The following TTF2 variants were observed in gnomAD, a reference collection of about 807,000 sequenced individuals.
TTF2 encodes transcription termination factor 2.
Under a neutral mutation model 142.4 loss-of-function variants are expected in TTF2, and 108 were observed. That is an observed-to-expected ratio of 0.76 (90% CI 0.65 to 0.89). The LOEUF (loss-of-function observed/expected upper bound fraction) is 0.89. Ranked by LOEUF, TTF2 falls within the 40% of genes least tolerant of loss-of-function variation. TTF2 has a pLI of 0.00. For synonymous variants in TTF2, 483 were observed against 506.2 expected, an observed-to-expected ratio of 0.95 and a Z score of 0.61; for missense variants, 1,327 against 1,379.8, an observed-to-expected ratio of 0.96 and a Z score of 0.61.
In TTF2 at chr1:117,065,338, G is replaced by A. The variant is rs185699332; in HGVS notation, c.218+2865G>A. Among the ~76,000 whole-genome samples the A allele has an allele frequency of 5.8e-3, 880 of 152,236 alleles. 22 individuals carry two copies. Among genetic ancestry groups the A allele is most frequent in the Non-Finnish European group, 3.3e-3 (224 of 68,012 alleles). On this transcript the variant is annotated intron_variant, in intron 3 of 22. Transcript: ENST00000369466. The stretch of plus-strand genomic sequence containing the variant: ...ATGACTTTAAAAATGTCAGCTGGGC[G>A]CGGCAATCCTAGCACTTTGGGAGGC...
chr1:117,061,007 A>G (rs1374535619), intron 2 of TTF2, among the ~76,000 whole-genome samples: 2 of 152,146 alleles, frequency 1.3e-5, no homozygotes, highest in Non-Finnish European at 2.9e-5. Context: ...AAAACACTCT[A>G]GTGATTAGTT....
intron 13 of TTF2, among the ~76,000 whole-genome samples, chr1:117,089,822 C>G (rs1364486454): frequency 6.6e-6 from 1 of 152,146 alleles, no homozygotes; most frequent in Admixed American, 6.5e-5. Context: ...GTTGTGACAG[C>G]GTAGGCATCG....
rs557408186 is a variant in TTF2, at chr1:117,097,179, G to A, written c.3187-172G>A. ...GTGATGTGAGAATTTTCTCAAAAGT[G>A]AGACATGGGAGATAGCATTATAATG... On this transcript the variant is annotated intron_variant, in intron 20 of 22. Transcript: ENST00000369466. The surrounding 1 kb of genome is among the most constrained non-coding windows in gnomAD (Gnocchi z 4.1). Among the ~76,000 whole-genome samples the A allele has an allele frequency of 6.6e-6, 1 of 151,696 alleles. No homozygotes were observed. The highest frequency in any genetic ancestry group is 2.4e-5 in the African/African-American group (1 of 41,174).
chr1:117,061,939 G>A (rs7520887), intron 2 of TTF2, among the ~76,000 whole-genome samples: 3 of 152,144 alleles, frequency 2.0e-5, no homozygotes, highest in Non-Finnish European at 4.4e-5. Flanking sequence ...GGAAGGGAGT[G>A]ATTAAAAACT....
chr1:117,069,850 T>A (rs1656441392), intron 3 of TTF2, among the ~76,000 whole-genome samples: 1 of 152,250 alleles, frequency 6.6e-6, no homozygotes, highest in African/African-American at 2.4e-5. Flanking sequence ...AAGTCAGGAT[T>A]GAAGAGGTCT....
chr1:117,101,495 GC>G lies in TTF2; in HGVS notation c.3461del (p.Ala1154ValfsTer26), dbSNP rs1649577098. On this transcript the variant is annotated frameshift_variant, in exon 23 of 23. Transcript: ENST00000369466. LOFTEE classifies it high-confidence loss of function. This position sits in a 1 kb window ranked among gnomAD's most constrained non-coding sequence, Gnocchi z 5.9. ...SGESVTKLTL[A>X]DLRVLFGI is the part of the protein sequence containing the mutation. ...AGAATCTGTCACCAAGCTCACCTTG[GC>G]TGACCTCAGAGTCCTTTTTGGCATC... 1 of 1,600,384 alleles carries G rather than the reference GC, an allele frequency of 6.2e-7. No homozygotes were observed. Among genetic ancestry groups the G allele is most frequent in the East Asian group, 2.2e-5 (1 of 44,748 alleles).
Position 117,106,976 on chromosome 1 carries a change from C to T in TTF2, c.*5452C>T, listed in dbSNP as rs1649992531. ...GTTACAACATCCCAGAGGACAGAGG[C>T]TCTTATTTGTGACTCTTTTTTCTTA... On this transcript the variant is annotated 3_prime_UTR_variant, in exon 23 of 23. Transcript: ENST00000369466. 1 of 152,214 alleles carries T rather than the reference C, an allele frequency of 6.6e-6. No homozygotes were observed. The highest frequency in any genetic ancestry group is 1.5e-5 in the Non-Finnish European group (1 of 68,048). The allele number at this position is 152,214 out of a possible 1,614,324, so 9.4% of individuals were successfully genotyped here. A position where few individuals can be genotyped will look rare whatever the true frequency, so the allele number is the denominator to read the frequency against.
intron 13 of TTF2, among the ~76,000 whole-genome samples, chr1:117,089,372 CA>C (rs1467093944): frequency 6.6e-6 from 1 of 151,170 alleles, no homozygotes; most frequent in Non-Finnish European, 1.5e-5. Context: ...TTGAAGCAAA[CA>C]AAAAAGAATG....
At chr1:117,089,220 TATATATGCAAA>T (rs1157868094) in intron 13 of TTF2, among the ~76,000 whole-genome samples, 92 of 148,910 alleles carry the variant, frequency 6.2e-4, no homozygotes, top group African/African-American at 1.9e-3. Flanking sequence ...TATAGGACTT[TATATATGCAAA>T]ATATATGCAA....
Position 117,097,698 on chromosome 1 carries a change from C to T in TTF2, c.3269+265C>T, listed in dbSNP as rs1367657263. On this transcript the variant is annotated intron_variant, in intron 21 of 22. Transcript: ENST00000369466. The surrounding 1 kb of genome is among the most constrained non-coding windows in gnomAD (Gnocchi z 4.1). ...AGTCTAACATCTGTTTCCATGGAAA[C>T]GGGGAGCATAGCTTTTCCTCATGGC... Among the ~76,000 whole-genome samples, 1 of 152,156 alleles carries T rather than the reference C, an allele frequency of 6.6e-6. No homozygotes were observed. The highest frequency in any genetic ancestry group is 1.5e-5 in the Non-Finnish European group (1 of 68,030).
Position 117,097,663 on chromosome 1 carries a change from C to T in TTF2, c.3269+230C>T, listed in dbSNP as rs935406876. ...ATGACTACTCAAAATAGTTCATTCACGTTATTGTTAGTCTAACATCTGTTT... is the reference window on the plus strand; with the variant it reads ...ATGACTACTCAAAATAGTTCATTCATGTTATTGTTAGTCTAACATCTGTTT... On this transcript the variant is annotated intron_variant, in intron 21 of 22. Transcript: ENST00000369466. This position sits in a 1 kb window ranked among gnomAD's most constrained non-coding sequence, Gnocchi z 4.1. 2.6e-5 allele frequency among the ~76,000 whole-genome samples: 4 copies of T among 152,288 alleles called. No homozygotes were observed. In the East Asian group the frequency reaches 5.8e-4, roughly 22 times the overall value.
Position 117,079,822 on chromosome 1 carries a change from TAC to T in TTF2, c.1783+177_1783+178del, listed in dbSNP as rs1162134247. ...AAGTGTTAAGCAACTTGCTCAAGAA[TAC>T]ACAGTTTAGGATCAAAGATGTTGGT... is the stretch of plus-strand genomic sequence containing the variant. On this transcript the variant is annotated intron_variant, in intron 9 of 22. Coordinates refer to ENST00000369466, the MANE Select transcript of TTF2 (RefSeq NM_003594.4). This position sits in a 1 kb window ranked among gnomAD's most constrained non-coding sequence, Gnocchi z 4.2. Among the ~76,000 whole-genome samples the T allele has an allele frequency of 1.3e-5, 2 of 152,198 alleles. No homozygotes were observed. Among genetic ancestry groups the T allele is most frequent in the African/African-American group, 2.4e-5 (1 of 41,440 alleles).
chr1:117,066,523 T>G (rs1656143600), intron 3 of TTF2, among the ~76,000 whole-genome samples: 1 of 152,060 alleles, frequency 6.6e-6, no homozygotes, highest in African/African-American at 2.4e-5. Flanking sequence ...AGAGAACGTG[T>G]GTGATGGCCT....
Position 117,080,166 on chromosome 1 carries a change from C to T in TTF2, c.1783+517C>T, listed in dbSNP as rs942711145. Among the ~76,000 whole-genome samples, 3 of 152,084 alleles carry T rather than the reference C, an allele frequency of 2.0e-5. No individual in the cohort carries two copies. The highest frequency in any genetic ancestry group is 2.9e-5 in the Non-Finnish European group (2 of 68,010). On this transcript the variant is annotated intron_variant, in intron 9 of 22. Transcript: ENST00000369466. The surrounding 1 kb of genome is among the most constrained non-coding windows in gnomAD (Gnocchi z 4.3). ...CTGGGATTACAGGCAGATGCCACCA[C>T]GCCTGGCTAATTTTTTGTATTTTTA...
At chr1:117,071,258 C>T (rs1028745449) in intron 3 of TTF2, among the ~76,000 whole-genome samples, 1 of 151,804 alleles carries the variant, frequency 6.6e-6, no homozygotes, top group Non-Finnish European at 1.5e-5. Flanking sequence ...GCTGAACCGC[C>T]CACCAAGAGG....
rs770753271 is a variant in TTF2, at chr1:117,092,711, G to A, written c.2806-20G>A. The A allele has an allele frequency of 4.9e-5, 78 of 1,604,908 alleles. 1 individual carries two copies. In the South Asian group the frequency reaches 8.7e-4, roughly 18 times the overall value. On this transcript the variant is annotated intron_variant, in intron 17 of 22. Transcript: ENST00000369466. The surrounding 1 kb of genome is among the most constrained non-coding windows in gnomAD (Gnocchi z 4.4). ...GCTCCCTTGACTCCCAGCTGCTCCT[G>A]TCCTTTTTTGTCTGTTCAGGCCCTG... is the stretch of plus-strand genomic sequence containing the variant.
chr1:117,100,418 G>C lies in TTF2; in HGVS notation c.3345-962G>C, dbSNP rs2101261665. Among the ~76,000 whole-genome samples the C allele has an allele frequency of 6.6e-6, 1 of 152,036 alleles. No individual in the cohort carries two copies. Among genetic ancestry groups the C allele is most frequent in the South Asian group, 2.1e-4 (1 of 4,812 alleles). On this transcript the variant is annotated intron_variant, in intron 22 of 22. Transcript: ENST00000369466. This position sits in a 1 kb window ranked among gnomAD's most constrained non-coding sequence, Gnocchi z 4.6. ...CTGTTCTCTCCATCACCACCGAAGG[G>C]CTCTTCCTAGCTAATCCATCTGATT...
rs1647329757 is a variant in TTF2, at chr1:117,079,785, A to G, written c.1783+136A>G. ...TATTCCTCATTTTACAGATGATGAA[A>G]GTGAAGCATGGAAGTGTTAAGCAAC... On this transcript the variant is annotated intron_variant, in intron 9 of 22. Transcript: ENST00000369466. This position sits in a 1 kb window ranked among gnomAD's most constrained non-coding sequence, Gnocchi z 4.2. 2 of 853,932 alleles carry G rather than the reference A, an allele frequency of 2.3e-6. No homozygotes were observed. Among genetic ancestry groups the G allele is most frequent in the African/African-American group, 3.4e-5 (2 of 59,288 alleles). The allele number at this position is 853,932 out of a possible 1,614,324, so 52.9% of individuals were successfully genotyped here. A position where few individuals can be genotyped will look rare whatever the true frequency, so the allele number is the denominator to read the frequency against.
In TTF2 at chr1:117,092,876, T is replaced by G; in HGVS notation, c.2951T>G (p.Phe984Cys). The G allele has an allele frequency of 6.2e-7, 1 of 1,614,236 alleles. No individual in the cohort carries two copies. Residue 984 changes from phenylalanine to cysteine, a missense_variant, in exon 18 of 23, where the codon TTT becomes TGT. Coordinates refer to ENST00000369466, the MANE Select transcript of TTF2 (RefSeq NM_003594.4). The surrounding 1 kb of genome is among the most constrained non-coding windows in gnomAD (Gnocchi z 4.4). ...GGCACCTTCTTCAAGATGGAGCTTTTTGAAGGCATGCGAGAGAGCACCAAG... is the reference window on the plus strand; with the variant it reads ...GGCACCTTCTTCAAGATGGAGCTTTGTGAAGGCATGCGAGAGAGCACCAAG... ...LNGTFFKMEL[F>C]EGMRESTKIS...
Sources: allele counts gnomAD v4.1 joint callset (sites outside exome capture counted in the v4.1 genomes callset), GRCh38; gene constraint gnomAD v4.1.1; non-coding constraint Gnocchi (gnomAD v3.1); transcripts MANE v1.5; gene names NCBI Gene and HGNC (gene_info 2026-07-23, HGNC 2026-07-21).